Variants in CRYBG1 observed in about 807,000 individuals in gnomAD.
CRYBG1 encodes the protein beta/gamma crystallin domain-containing protein 1.
In CRYBG1, 139 loss-of-function variants were observed where a neutral mutation model predicts 189.2. The observed-to-expected ratio is 0.73, with a 90% CI of 0.64 to 0.85. The LOEUF (loss-of-function observed/expected upper bound fraction) is 0.85, where lower values mean the gene tolerates loss of function less well. Ranked by LOEUF, CRYBG1 falls within the 40% of genes least tolerant of loss-of-function variation. CRYBG1 has a pLI of 0.00. For missense variants in CRYBG1, 2,611 were observed against 2,675.8 expected (o/e 0.98, Z 0.53); for synonymous variants, 1,023 against 1,017.1 (o/e 1.01, Z -0.11).
At chr6:106,427,326 A>G (rs1771245514) in intron 1 of CRYBG1, among the ~76,000 whole-genome samples, 1 of 152,182 alleles carries the variant, frequency 6.6e-6, no homozygotes. Context: ...CTAAAACCCA[A>G]CTATTGATTA....
intron 19 of CRYBG1, 59 bp downstream of exon 19, chr6:106,560,985 C>T: frequency 6.7e-7 from 1 of 1,482,952 alleles, no homozygotes; most frequent in Non-Finnish European, 9.0e-7. Flanking sequence ...TTTGTAAATG[C>T]AATCCAACTT....
chr6:106,385,405 C>T (rs1323950859), intron 1 of CRYBG1, among the ~76,000 whole-genome samples: 3 of 152,318 alleles, frequency 2.0e-5, no homozygotes, highest in South Asian at 4.1e-4. Flanking sequence ...CATAGCCTCA[C>T]ATTCAGAAAC....
At chr6:106,368,663 C>T (rs769493484) in intron 1 of CRYBG1, among the ~76,000 whole-genome samples, 8 of 152,084 alleles carry the variant, frequency 5.3e-5, no homozygotes, top group Non-Finnish European at 1.0e-4. Context: ...AGAGAGTGAG[C>T]CCTTGCTTAG....
Position 106,360,975 on chromosome 6 carries a change from C to G in CRYBG1, c.67C>G (p.His23Asp). Residue 23 changes from histidine (H) to aspartate (D), a missense_variant, in exon 1 of 22, where the codon CAC (histidine) becomes GAC (aspartate). His to Asp is a moderately conservative substitution (Grantham distance 81). Transcript: ENST00000633556. Reference sequence around the variant, plus strand: ...CAGCCCGTGCAGGCCCCCTAAGAAGCACACCACCTTCCACCTCTGGCGCTC... The same window carrying G: ...CAGCCCGTGCAGGCCCCCTAAGAAGGACACCACCTTCCACCTCTGGCGCTC... ...EPSPCRPPKK[H>D]TTFHLWRSKK... is the part of the protein sequence containing the mutation. 6.5e-7 allele frequency: 1 copy of G among 1,535,260 alleles called. No individual in the cohort carries two copies. The highest frequency in any genetic ancestry group is 1.2e-5 in the South Asian group (1 of 84,056).
intron 2 of CRYBG1, among the ~76,000 whole-genome samples, chr6:106,465,332 G>A (rs900962638): frequency 6.6e-6 from 1 of 152,066 alleles, no homozygotes; most frequent in Admixed American, 6.5e-5. Context: ...TTCTCCAGAC[G>A]GCCTGTGATG....
rs1562101726 is a variant in CRYBG1 at position 106,520,346 on chromosome 6, C to T, written c.3138C>T (p.Gly1046=). Residue 1046 remains glycine (G), a synonymous_variant, in exon 4 of 22, where the codon GGC becomes GGT. Transcript: ENST00000633556. ...TGCCTATTCAGGCTCAAAGTCAGGG[C>T]AGCAGAACACCCCTGATGGCTGAAT... is the stretch of plus-strand genomic sequence containing the variant. ...KTLPIQAQSQ[G]SRTPLMAESS... The T allele has an allele frequency of 2.5e-6, 4 of 1,614,140 alleles. No homozygotes were observed. Among genetic ancestry groups the T allele is most frequent in the Non-Finnish European group, 3.4e-6 (4 of 1,180,028 alleles).
At chr6:106,545,329 T>A (rs1582830552) in intron 13 of CRYBG1, among the ~76,000 whole-genome samples, 1 of 152,244 alleles carries the variant, frequency 6.6e-6, no homozygotes, top group African/African-American at 2.4e-5. Flanking sequence ...AGTATATTTC[T>A]TCACTATTAG....
In CRYBG1 at chr6:106,426,002, A is replaced by G. The variant is rs190997737; in HGVS notation, c.174-25692A>G. 3.4e-3 allele frequency among the ~76,000 whole-genome samples: 519 copies of G among 152,160 alleles called. 6 individuals carry two copies. Among genetic ancestry groups the G allele is most frequent in the Middle Eastern group, 0.021 (6 of 292 alleles). On this transcript the variant is annotated intron_variant, in intron 1 of 21. Transcript: ENST00000633556. Reference sequence around the variant, plus strand: ...CCCTAAGTGCTGACCTTGCAATCCTACTGTATTTCCTTACATCTTTTATTC... The same window carrying G: ...CCCTAAGTGCTGACCTTGCAATCCTGCTGTATTTCCTTACATCTTTTATTC...
chr6:106,363,539 CT>C (rs1216693325), intron 1 of CRYBG1, among the ~76,000 whole-genome samples: 1 of 152,134 alleles, frequency 6.6e-6, no homozygotes, highest in Non-Finnish European at 1.5e-5. Flanking sequence ...GTGTGGCTCT[CT>C]TAAGCCTCCT....
chr6:106,380,512 C>T (rs2883225), intron 1 of CRYBG1, among the ~76,000 whole-genome samples: 37,654 of 151,826 alleles, frequency 0.25, 5,188 homozygotes, highest in Middle Eastern at 0.34. Flanking sequence ...TGATGTTACC[C>T]GTTTCTGTGA....
At chr6:106,466,193 G>A (rs1772112108) in intron 2 of CRYBG1, among the ~76,000 whole-genome samples, 1 of 152,138 alleles carries the variant, frequency 6.6e-6, no homozygotes, top group Non-Finnish European at 1.5e-5. Flanking sequence ...ATATTCAATG[G>A]CTATCACCCA....
intron 1 of CRYBG1, among the ~76,000 whole-genome samples, chr6:106,373,481 C>T (rs1471155674): frequency 2.0e-5 from 3 of 152,124 alleles, no homozygotes; most frequent in East Asian, 3.8e-4. Context: ...ATACAGTTGG[C>T]GTGAAAGATG....
intron 1 of CRYBG1, among the ~76,000 whole-genome samples, chr6:106,379,423 G>T (rs1770243758): frequency 6.6e-6 from 1 of 151,630 alleles, no homozygotes; most frequent in Non-Finnish European, 1.5e-5. Context: ...CACCATGCCT[G>T]GCTAATTTTT....
chr6:106,517,387 CACATATATAT>C, intron 3 of CRYBG1, among the ~76,000 whole-genome samples: 1 of 39,524 alleles, frequency 2.5e-5, no homozygotes, highest in African/African-American at 8.4e-5. Context: ...CACATATACA[CACATATATAT>C]ATATACACAC....
chr6:106,364,631 G>T (rs1204772418), intron 1 of CRYBG1, among the ~76,000 whole-genome samples: 2 of 152,338 alleles, frequency 1.3e-5, no homozygotes, highest in East Asian at 3.9e-4. Flanking sequence ...CTTGCCATTA[G>T]AGGGTCTAGT....
intron 21 of CRYBG1, among the ~76,000 whole-genome samples, chr6:106,568,078 G>A (rs1015938089): frequency 9.3e-6 from 1 of 107,074 alleles, no homozygotes; most frequent in Non-Finnish European, 1.9e-5. Flanking sequence ...CTGGTGTCTC[G>A]AATCTACCAT....
At position 106,568,783 on chromosome 6, in the gene CRYBG1, C is replaced by A. The variant is rs555426443; in HGVS notation, c.*217C>A. The A allele has an allele frequency of 1.1e-5, 5 of 447,850 alleles. No individual in the cohort carries two copies. The highest frequency in any genetic ancestry group is 9.7e-5 in the African/African-American group (5 of 51,440). 27.7% of individuals were successfully genotyped at this position (447,850 alleles called of 1,614,324 possible). On this transcript the variant is annotated 3_prime_UTR_variant, in exon 22 of 22. Coordinates refer to ENST00000633556, the MANE Select transcript of CRYBG1 (RefSeq NM_001371242.2). ...CCAATAATTTGTCCTCCTTTCATTT[C>A]TTGCCTTTCATTTTTGGTAGCTGCT...
chr6:106,462,327 T>C (rs991320760), intron 2 of CRYBG1, among the ~76,000 whole-genome samples: 8 of 152,232 alleles, frequency 5.3e-5, no homozygotes, highest in African/African-American at 9.6e-5. Flanking sequence ...CCCGCCACCA[T>C]GCCCAGCTAA....
Position 106,512,123 on chromosome 6 carries a change from C to A in CRYBG1, c.1006C>A (p.Pro336Thr). Residue 336 changes from proline (P) to threonine (T), a missense_variant, in exon 3 of 22, where the codon CCC (proline) becomes ACC (threonine). Transcript: ENST00000633556. Reference protein sequence around the residue: ...LGPRNARSQPPKGASDLPGEP... With the variant: ...LGPRNARSQPTKGASDLPGEP... ...GCCCCGCAACGCCCGCAGCCAGCCCCCCAAGGGCGCGTCTGATTTGCCAGG... is the reference window on the plus strand; with the variant it reads ...GCCCCGCAACGCCCGCAGCCAGCCCACCAAGGGCGCGTCTGATTTGCCAGG... 6.5e-7 allele frequency: 1 copy of A among 1,534,368 alleles called. No homozygotes were observed. The highest frequency in any genetic ancestry group is 1.7e-4 in the Middle Eastern group (1 of 5,924).
Sources: gnomAD v4.1 joint callset for allele counts (sites outside exome capture counted in the v4.1 genomes callset) on GRCh38, gnomAD v4.1.1 for gene constraint, MANE v1.5 for transcripts, NCBI Gene and HGNC (gene_info 2026-07-23, HGNC 2026-07-21) for gene names.